ADAM18: variants seen among roughly 807,000 people sequenced by gnomAD.
ADAM18 encodes the protein disintegrin and metalloproteinase domain-containing protein 18.
A neutral mutation model predicts 94.4 loss-of-function variants in ADAM18; 117 were observed. The observed-to-expected ratio is 1.24, with a 90% confidence interval of 1.07 to 1.45. The LOEUF (loss-of-function observed/expected upper bound fraction) is 1.45, where lower values mean the gene tolerates loss of function less well. Ranked by LOEUF, ADAM18 falls within the 40% of genes most tolerant of loss-of-function variation. The probability of loss-of-function intolerance (pLI) is 0.00; values close to 1 mark genes in which losing one functional copy is unlikely to be tolerated. For synonymous variants in ADAM18, 327 were observed against 291.6 expected, an observed-to-expected ratio of 1.12 and a Z score of -1.24; for missense variants, 936 against 880.0, an observed-to-expected ratio of 1.06 and a Z score of -0.81.
intron 19 of ADAM18, among the ~76,000 whole-genome samples, chr8:39,724,495 T>C (rs1370166033): frequency 2.0e-5 from 3 of 151,904 alleles, no homozygotes; most frequent in African/African-American, 7.2e-5. Context: ...ATTTTGCTGA[T>C]ATTTTAAAAG....
At chr8:39,605,034 T>C (rs1436388252) in intron 2 of ADAM18, among the ~76,000 whole-genome samples, 2 of 152,136 alleles carry the variant, frequency 1.3e-5, no homozygotes, top group Admixed American at 6.5e-5. Flanking sequence ...GTAGCTTACA[T>C]TGGTTTAAGG....
intron 15 of ADAM18, among the ~76,000 whole-genome samples, chr8:39,678,502 C>A (rs1314485951): frequency 6.6e-6 from 1 of 152,096 alleles, no homozygotes; most frequent in Non-Finnish European, 1.5e-5. Flanking sequence ...AAAGAAAGTA[C>A]TGATGAGTGG....
chr8:39,707,552 G>T (rs1371343714), intron 18 of ADAM18, among the ~76,000 whole-genome samples: 1 of 152,080 alleles, frequency 6.6e-6, no homozygotes, highest in Admixed American at 6.5e-5. Context: ...TGCAAAACCG[G>T]TGCAGATTTC....
intron 19 of ADAM18, 41 bp from the exon 20 acceptor site, chr8:39,729,857 A>C (rs370407322): frequency 1.2e-5 from 18 of 1,563,350 alleles, no homozygotes; most frequent in African/African-American, 4.1e-5. Flanking sequence ...ACTACTAAAC[A>C]TATTGTGAAT....
At chr8:39,670,001 G>A (rs930504996) in intron 14 of ADAM18, among the ~76,000 whole-genome samples, 1 of 152,134 alleles carries the variant, frequency 6.6e-6, no homozygotes, top group Non-Finnish European at 1.5e-5. Flanking sequence ...TTTAATGATC[G>A]CCATTCTAAC....
intron 18 of ADAM18, among the ~76,000 whole-genome samples, chr8:39,721,427 C>T (rs570047241): frequency 3.4e-4 from 52 of 151,440 alleles, no homozygotes; most frequent in African/African-American, 1.2e-3. Context: ...CTTAATTAAC[C>T]TAAAAAGCAT....
At chr8:39,655,720 A>G (rs1478698818) in intron 12 of ADAM18, among the ~76,000 whole-genome samples, 2 of 152,148 alleles carry the variant, frequency 1.3e-5, no homozygotes, top group African/African-American at 4.8e-5. Flanking sequence ...TAATCATATC[A>G]TTGTATGCAT....
chr8:39,698,797 T>C (rs962407471), intron 17 of ADAM18, among the ~76,000 whole-genome samples: 2 of 152,082 alleles, frequency 1.3e-5, no homozygotes, highest in African/African-American at 4.8e-5. Context: ...CATAGCTTTA[T>C]AAATCTAAGA....
At chr8:39,698,959 T>C (rs1821995303) in intron 17 of ADAM18, among the ~76,000 whole-genome samples, 1 of 152,088 alleles carries the variant, frequency 6.6e-6, no homozygotes. Context: ...AGATTTTAGC[T>C]TAAGAATATG....
At chr8:39,632,939 T>TA (rs1819973635) in intron 7 of ADAM18, among the ~76,000 whole-genome samples, 1 of 152,322 alleles carries the variant, frequency 6.6e-6, no homozygotes, top group Middle Eastern at 3.4e-3. Flanking sequence ...TATTGAAACA[T>TA]AATGGCCAAT....
intron 15 of ADAM18, among the ~76,000 whole-genome samples, chr8:39,679,172 T>C (rs1821373686): frequency 6.6e-6 from 1 of 152,204 alleles, no homozygotes; most frequent in Non-Finnish European, 1.5e-5. Context: ...CTTATTCTTC[T>C]GAAAAAGCCT....
At chr8:39,638,587 C>A (rs767739058) in intron 10 of ADAM18, 41 bp downstream of exon 10, 2 of 1,238,210 alleles carry the variant, frequency 1.6e-6, no homozygotes, top group Admixed American at 2.4e-5. Context: ...TATTTTTAGG[C>A]CTTATATTAT....
intron 16 of ADAM18, among the ~76,000 whole-genome samples, chr8:39,689,448 A>C (rs1217497046): frequency 6.6e-6 from 1 of 152,160 alleles, no homozygotes; most frequent in Non-Finnish European, 1.5e-5. Context: ...TATTGAATAG[A>C]ATATCCTTTG....
intron 17 of ADAM18, among the ~76,000 whole-genome samples, chr8:39,700,422 T>C (rs983977075): frequency 6.6e-6 from 1 of 152,148 alleles, no homozygotes; most frequent in East Asian, 1.9e-4. Flanking sequence ...AAAATTGATA[T>C]GAGAATATTC....
intron 6 of ADAM18, among the ~76,000 whole-genome samples, chr8:39,615,169 A>G (rs1048178392): frequency 1.3e-5 from 2 of 152,062 alleles, no homozygotes; most frequent in South Asian, 2.1e-4. Flanking sequence ...TCATGTGCAC[A>G]TGGCATGTAC....
In ADAM18 at chr8:39,594,238, A is replaced by G. The variant is rs755578002; in HGVS notation, c.132+8886A>G. On this transcript the variant is annotated intron_variant, in intron 2 of 19. Transcript: ENST00000265707. ...GGTTAAGCAAACTATTTAAACCTTAATGTGTTTCTAAATATATGTTGAGGA... is the reference window on the plus strand; with the variant it reads ...GGTTAAGCAAACTATTTAAACCTTAGTGTGTTTCTAAATATATGTTGAGGA... Among the ~76,000 whole-genome samples the G allele has an allele frequency of 7.2e-5, 11 of 152,272 alleles. No individual in the cohort carries two copies. The South Asian group carries it at 1.2e-3, about 17-fold the overall frequency.
intron 6 of ADAM18, among the ~76,000 whole-genome samples, chr8:39,627,934 G>T (rs2129578992): frequency 6.6e-6 from 1 of 151,852 alleles, no homozygotes; most frequent in South Asian, 2.1e-4. Flanking sequence ...CTTAGCATTT[G>T]GTTGTCTGAA....
intron 19 of ADAM18, among the ~76,000 whole-genome samples, chr8:39,724,374 G>A (rs901440663): frequency 1.3e-4 from 19 of 151,642 alleles, no homozygotes; most frequent in Admixed American, 1.1e-3. Flanking sequence ...GTATTTTCTT[G>A]TAATCATTTT....
chr8:39,637,219 G>T, intron 7 of ADAM18, 45 bp from the exon 8 acceptor site: 1 of 1,387,588 alleles, frequency 7.2e-7, no homozygotes. Context: ...TCATTCACAT[G>T]GATTCAAAAT....
Sources: gnomAD v4.1 joint callset for allele counts (sites outside exome capture counted in the v4.1 genomes callset) on GRCh38, gnomAD v4.1.1 for gene constraint, MANE v1.5 for transcripts, NCBI Gene and HGNC (gene_info 2026-07-23, HGNC 2026-07-21) for gene names.